Variants in OPCML observed in about 807,000 individuals in gnomAD.
OPCML encodes opioid-binding protein/cell adhesion molecule.
Under a neutral mutation model 37.8 loss-of-function variants are expected in OPCML, and 13 were observed. That is an observed-to-expected ratio of 0.34 (90% confidence interval 0.22 to 0.55). The LOEUF (loss-of-function observed/expected upper bound fraction) is 0.55. Ranked by LOEUF, OPCML falls within the 20% of genes least tolerant of loss-of-function variation. OPCML has a pLI of 0.91. For missense variants in OPCML, 341 were observed against 435.6 expected, an observed-to-expected ratio of 0.78 and a Z score of 1.93; for synonymous variants, 176 against 168.8, an observed-to-expected ratio of 1.04 and a Z score of -0.33.
intron 2 of OPCML, among the ~76,000 whole-genome samples, chr11:132,818,616 A>AGATAAAT (rs1939775363): frequency 2.2e-5 from 3 of 137,674 alleles, no homozygotes; most frequent in East Asian, 2.1e-4. Context: ...GATGATAGAT[A>AGATAAAT]GATAGATAAA....
intron 1 of OPCML, among the ~76,000 whole-genome samples, chr11:133,280,563 C>T (rs1227671321): frequency 6.6e-6 from 1 of 152,192 alleles, no homozygotes; most frequent in African/African-American, 2.4e-5. Flanking sequence ...TCCAGAGCAA[C>T]ACCTAACATT....
intron 2 of OPCML, among the ~76,000 whole-genome samples, chr11:132,909,172 G>C (rs1944342766): frequency 6.6e-6 from 1 of 152,120 alleles, no homozygotes; most frequent in Non-Finnish European, 1.5e-5. Flanking sequence ...CTCCTGCAGG[G>C]CTGTCTATCT....
intron 1 of OPCML, among the ~76,000 whole-genome samples, chr11:133,458,852 T>TGTGTGTGTATATACACATAGATACAC (rs1946789350): frequency 1.3e-5 from 2 of 148,948 alleles, no homozygotes; most frequent in African/African-American, 5.1e-5. Flanking sequence ...TAGATGCACG[T>TGTGTGTGTATATACACATAGATACAC]GTGTGTGTAT....
intron 1 of OPCML, among the ~76,000 whole-genome samples, chr11:133,342,033 G>A (rs1277597010): frequency 6.6e-6 from 1 of 152,160 alleles, no homozygotes; most frequent in African/African-American, 2.4e-5. Flanking sequence ...GGACTCGACA[G>A]AAGTTGTCTG....
chr11:132,940,094 G>T (rs918984756), intron 2 of OPCML, among the ~76,000 whole-genome samples: 3 of 152,164 alleles, frequency 2.0e-5, no homozygotes, highest in Non-Finnish European at 4.4e-5. Flanking sequence ...CACGTTCAAA[G>T]CTTCAGTGTC....
At chr11:132,565,747 A>T (rs895377936) in intron 3 of OPCML, among the ~76,000 whole-genome samples, 1 of 152,196 alleles carries the variant, frequency 6.6e-6, no homozygotes, top group Non-Finnish European at 1.5e-5. Context: ...ATTTTTAAAC[A>T]TCTGACTGGG....
chr11:133,289,304 A>G (rs546666425), intron 1 of OPCML, among the ~76,000 whole-genome samples: 31 of 152,174 alleles, frequency 2.0e-4, no homozygotes, highest in Non-Finnish European at 4.1e-4. Flanking sequence ...TTTAAAATTG[A>G]CATATTAGTG....
chr11:132,460,037 C>T (rs2096095747), intron 4 of OPCML, among the ~76,000 whole-genome samples: 1 of 152,140 alleles, frequency 6.6e-6, no homozygotes, highest in Non-Finnish European at 1.5e-5. Flanking sequence ...GGGATGGCTA[C>T]TTGAGCTGGC....
chr11:133,331,157 G>A (rs1038668669), intron 1 of OPCML, among the ~76,000 whole-genome samples: 14 of 152,214 alleles, frequency 9.2e-5, no homozygotes, highest in Non-Finnish European at 4.4e-5. Flanking sequence ...GAACGAGCAG[G>A]TGAGATGAAA....
intron 1 of OPCML, among the ~76,000 whole-genome samples, chr11:133,207,923 C>T (rs573976971): frequency 1.3e-3 from 191 of 152,180 alleles, no homozygotes; most frequent in South Asian, 5.0e-3. Flanking sequence ...TACTTCGCCG[C>T]AGGGTCTTCA....
At chr11:132,884,350 C>T (rs777237998) in intron 2 of OPCML, among the ~76,000 whole-genome samples, 5 of 152,068 alleles carry the variant, frequency 3.3e-5, no homozygotes, top group Non-Finnish European at 7.4e-5. Context: ...TAAATGGCTC[C>T]AATAAGTCAG....
At chr11:133,100,573 G>A (rs988875714) in intron 1 of OPCML, among the ~76,000 whole-genome samples, 5 of 152,132 alleles carry the variant, frequency 3.3e-5, no homozygotes, top group African/African-American at 9.7e-5. Context: ...GACTTACTAC[G>A]AAGCTACAGT....
chr11:132,920,651 T>C (rs1321130189), intron 2 of OPCML, among the ~76,000 whole-genome samples: 1 of 152,210 alleles, frequency 6.6e-6, no homozygotes, highest in Non-Finnish European at 1.5e-5. Flanking sequence ...GAGCCCTTCT[T>C]GTTATTACCT....
chr11:133,078,808 T>C (rs1478772959), intron 1 of OPCML, among the ~76,000 whole-genome samples: 1 of 152,150 alleles, frequency 6.6e-6, no homozygotes, highest in Non-Finnish European at 1.5e-5. Context: ...CACTCCAAAC[T>C]TAAGACGTAA....
intron 2 of OPCML, among the ~76,000 whole-genome samples, chr11:132,681,869 G>A (rs1942959120): frequency 6.6e-6 from 1 of 151,886 alleles, no homozygotes; most frequent in African/African-American, 2.4e-5. Flanking sequence ...GCAGGAGAAT[G>A]GCGTGAACCC....
At chr11:132,881,311 T>C (rs572425306) in intron 2 of OPCML, among the ~76,000 whole-genome samples, 2 of 152,182 alleles carry the variant, frequency 1.3e-5, no homozygotes, top group African/African-American at 4.8e-5. Context: ...CAGATACTTA[T>C]TGGAGCGCCA....
intron 3 of OPCML, among the ~76,000 whole-genome samples, chr11:132,625,626 C>T (rs1038207865): frequency 2.6e-5 from 4 of 152,174 alleles, no homozygotes; most frequent in African/African-American, 9.7e-5. Context: ...TGTGCTAACA[C>T]GTCACACACA....
At chr11:133,043,246 T>A (rs1232079465) in intron 1 of OPCML, among the ~76,000 whole-genome samples, 2 of 152,200 alleles carry the variant, frequency 1.3e-5, no homozygotes, top group Non-Finnish European at 2.9e-5. Context: ...TTTTCTCTTC[T>A]GGCTGTTCAA....
chr11:132,421,852 A>G (rs2095960372), intron 7 of OPCML, among the ~76,000 whole-genome samples: 1 of 152,196 alleles, frequency 6.6e-6, no homozygotes, highest in African/African-American at 2.4e-5. Context: ...GGCCTGCAGA[A>G]TGCACTGAGC....
Sources: gnomAD v4.1 joint callset for allele counts (sites outside exome capture counted in the v4.1 genomes callset) on GRCh38, gnomAD v4.1.1 for gene constraint, MANE v1.5 for transcripts, NCBI Gene and HGNC (gene_info 2026-07-23, HGNC 2026-07-21) for gene names.